AMPH: variants seen among roughly 807,000 people sequenced by gnomAD.
AMPH encodes the protein amphiphysin.
A neutral mutation model predicts 99.1 loss-of-function variants in AMPH; 49 were observed. That is an observed-to-expected ratio of 0.49 (90% CI 0.39 to 0.63). The LOEUF (loss-of-function observed/expected upper bound fraction) is 0.63. Ranked by LOEUF, AMPH falls within the 20% of genes least tolerant of loss-of-function variation. The pLI is 0.00. For synonymous variants in AMPH, 314 were observed against 317.3 expected, an observed-to-expected ratio of 0.99 and a Z score of 0.11; for missense variants, 759 against 863.4, an observed-to-expected ratio of 0.88 and a Z score of 1.52.
At chr7:38,513,264 C>T (rs1293462825) in intron 2 of AMPH, among the ~76,000 whole-genome samples, 1 of 152,118 alleles carries the variant, frequency 6.6e-6, no homozygotes, top group African/African-American at 2.4e-5. Context: ...ATAATGAATA[C>T]AACTATATCT....
rs569965809 is a variant in AMPH, at chr7:38,517,303, G to A, written c.151-13599C>T. 2.0e-4 allele frequency among the ~76,000 whole-genome samples: 31 copies of A among 152,304 alleles called. No individual in the cohort carries two copies. In the South Asian group the frequency reaches 6.2e-3, roughly 31 times the overall value. Reference sequence around the variant, plus strand: ...ACCTGGTGGGAGGTGATTGGATCATGGGGGTGGACTTCCCCCTTGCCATTC... The same window carrying A: ...ACCTGGTGGGAGGTGATTGGATCATAGGGGTGGACTTCCCCCTTGCCATTC... On this transcript the variant is annotated intron_variant, in intron 2 of 20. Transcript: ENST00000356264.
intron 15 of AMPH, among the ~76,000 whole-genome samples, chr7:38,424,453 T>C (rs1562744239): frequency 6.6e-6 from 1 of 151,876 alleles, no homozygotes; most frequent in Non-Finnish European, 1.5e-5. Flanking sequence ...TATTGGAAAA[T>C]AAATATGCAG....
intron 5 of AMPH, among the ~76,000 whole-genome samples, chr7:38,489,787 C>T (rs893956396): frequency 1.2e-4 from 18 of 151,954 alleles, no homozygotes; most frequent in African/African-American, 2.9e-4. Flanking sequence ...ATGATGGTTG[C>T]CAAGGGCTAG....
intron 17 of AMPH, among the ~76,000 whole-genome samples, chr7:38,405,675 T>G (rs987521069): frequency 1.8e-4 from 28 of 152,198 alleles, no homozygotes; most frequent in East Asian, 5.8e-4. Context: ...TGTAGATATA[T>G]AGAGAGATAC....
chr7:38,493,517 C>T (rs1010072962), intron 4 of AMPH, among the ~76,000 whole-genome samples: 4 of 152,042 alleles, frequency 2.6e-5, no homozygotes, highest in Admixed American at 6.5e-5. Context: ...ACTGGTCCAA[C>T]GTCACACAGC....
At chr7:38,450,895 T>C (rs1050182101) in intron 11 of AMPH, among the ~76,000 whole-genome samples, 8 of 137,120 alleles carry the variant, frequency 5.8e-5, no homozygotes, top group African/African-American at 2.3e-4. Flanking sequence ...AACACTTTCT[T>C]TTTTTTTTTT....
At chr7:38,527,895 C>A (rs1233576649) in intron 2 of AMPH, among the ~76,000 whole-genome samples, 1 of 152,110 alleles carries the variant, frequency 6.6e-6, no homozygotes, top group Non-Finnish European at 1.5e-5. Flanking sequence ...TGTAGATGTT[C>A]TTTACCAAAA....
chr7:38,510,649 C>A (rs1365963702), intron 2 of AMPH, among the ~76,000 whole-genome samples: 2 of 152,084 alleles, frequency 1.3e-5, no homozygotes, highest in Non-Finnish European at 2.9e-5. Context: ...GGTGGTAAGC[C>A]AGAATTGGAA....
intron 2 of AMPH, among the ~76,000 whole-genome samples, chr7:38,525,270 A>G (rs1486305269): frequency 2.9e-5 from 2 of 68,132 alleles, no homozygotes; most frequent in Non-Finnish European, 6.0e-5. Context: ...ATATATATAT[A>G]TATATATAGA....
At chr7:38,503,502 G>A in intron 3 of AMPH, 148 bp downstream of exon 3, 1 of 519,562 alleles carries the variant, frequency 1.9e-6, no homozygotes, top group Non-Finnish European at 3.4e-6. Flanking sequence ...GGGCGGGGGG[G>A]TGGGTGGTGG....
In AMPH at chr7:38,491,143, T is replaced by G; in HGVS notation, c.303A>C (p.Lys101Asn). The change falls in exon 5 of 21, where the codon AAA (lysine) becomes AAC (asparagine). Residue 101 changes from lysine (K) to asparagine (N), a missense_variant and splice_region_variant. Around this residue, in one of 2 missense-constraint regions of AMPH, gnomAD observed 205 missense variants for 287.9 expected, o/e 0.71. Coordinates refer to ENST00000356264, the MANE Select transcript of AMPH (RefSeq NM_001635.4). ...GGAAGTCTTCCCACAGCACATCACA[T>G]TTCTAAAAGAAATAAAGAGACCACT... ...GREDVKMVGE[K>N]CDVLWEDFHQ... 6.2e-7 allele frequency: 1 copy of G among 1,608,644 alleles called. No individual in the cohort carries two copies. Among genetic ancestry groups the G allele is most frequent in the South Asian group, 1.1e-5 (1 of 90,852 alleles).
In AMPH at chr7:38,413,604, AAT is replaced by A. The variant is rs1159605752; in HGVS notation, c.1398+4219_1398+4220del. 2.6e-5 allele frequency among the ~76,000 whole-genome samples: 4 copies of A among 152,194 alleles called. No homozygotes were observed. In the South Asian group the frequency reaches 8.3e-4, roughly 31 times the overall value. ...GAAAATGTAACTATTTGCTAATGGG[AAT>A]ACAATCAAACTCAGAAAATAACCAA... On this transcript the variant is annotated intron_variant, in intron 17 of 20. Coordinates refer to ENST00000356264, the MANE Select transcript of AMPH (RefSeq NM_001635.4).
chr7:38,577,862 A>T (rs901752819), intron 1 of AMPH, among the ~76,000 whole-genome samples: 1 of 152,094 alleles, frequency 6.6e-6, no homozygotes, highest in Non-Finnish European at 1.5e-5. Context: ...TAAAAGAGGA[A>T]AGGAGAAATG....
chr7:38,548,122 G>A (rs1378899127), intron 1 of AMPH, among the ~76,000 whole-genome samples: 2 of 151,378 alleles, frequency 1.3e-5, no homozygotes, highest in Non-Finnish European at 2.9e-5. Context: ...TCCACCTCCT[G>A]GGTTCACGCC....
intron 17 of AMPH, among the ~76,000 whole-genome samples, chr7:38,399,973 C>T (rs1267161141): frequency 6.6e-6 from 1 of 152,184 alleles, no homozygotes; most frequent in East Asian, 1.9e-4. Context: ...TATTGCTAAA[C>T]CGCCTGTCCA....
intron 1 of AMPH, among the ~76,000 whole-genome samples, chr7:38,572,268 C>A (rs58788442): frequency 0.28 from 42,351 of 151,908 alleles, 6,279 homozygotes; most frequent in Non-Finnish European, 0.34. Context: ...TTTAGATACA[C>A]AAATCCTTAC....
intron 1 of AMPH, among the ~76,000 whole-genome samples, chr7:38,552,167 C>A (rs1022722525): frequency 6.6e-6 from 1 of 152,280 alleles, no homozygotes; most frequent in Non-Finnish European, 1.5e-5. Flanking sequence ...ACAAGAGAAC[C>A]CTTTTGTCAA....
intron 1 of AMPH, among the ~76,000 whole-genome samples, chr7:38,607,120 C>G (rs1584298279): frequency 6.6e-6 from 1 of 152,126 alleles, no homozygotes; most frequent in East Asian, 1.9e-4. Context: ...CCCATGACAA[C>G]CACCTAGCTT....
chr7:38,535,063 A>G, intron 1 of AMPH, 52 bp from the exon 2 acceptor site: 3 of 1,522,346 alleles, frequency 2.0e-6, no homozygotes. Flanking sequence ...TTTCAAAGAA[A>G]GATGTGCATT....
Sources: allele counts gnomAD v4.1 joint callset (sites outside exome capture counted in the v4.1 genomes callset), GRCh38; gene constraint gnomAD v4.1.1; regional missense constraint gnomAD v4.1.1; transcripts MANE v1.5; gene names NCBI Gene and HGNC (gene_info 2026-07-23, HGNC 2026-07-21).